RIT2: variants seen among roughly 807,000 people sequenced by gnomAD.
The protein encoded by RIT2 is GTP-binding protein Rit2.
In RIT2, 24 loss-of-function variants were observed where a neutral mutation model predicts 23.7. The observed-to-expected ratio is 1.01, with a 90% CI of 0.73 to 1.43. The LOEUF (loss-of-function observed/expected upper bound fraction) is 1.43, where lower values mean the gene tolerates loss of function less well. RIT2 is among the 40% of genes most tolerant of loss of function. RIT2 has a pLI of 0.00. For synonymous variants in RIT2, 107 were observed against 91.1 expected (o/e 1.17, Z -0.99); for missense variants, 236 against 266.9 (o/e 0.88, Z 0.81).
intron 4 of RIT2, among the ~76,000 whole-genome samples, chr18:42,762,977 A>C (rs1246678910): frequency 1.3e-5 from 2 of 152,206 alleles, no homozygotes; most frequent in African/African-American, 4.8e-5. Flanking sequence ...TCATTGTGCA[A>C]ACATCATAGA....
chr18:42,910,252 T>A (rs1908732809), intron 4 of RIT2, among the ~76,000 whole-genome samples: 1 of 152,048 alleles, frequency 6.6e-6, no homozygotes, highest in East Asian at 1.9e-4. Flanking sequence ...CCCTAATCTA[T>A]CAGTAATTAT....
intron 4 of RIT2, among the ~76,000 whole-genome samples, chr18:42,750,832 C>T (rs1224124161): frequency 1.0e-5 from 1 of 99,616 alleles, no homozygotes; most frequent in Admixed American, 9.2e-5. Flanking sequence ...ATATTCAAAC[C>T]CTGAAAACTT....
intron 4 of RIT2, among the ~76,000 whole-genome samples, chr18:42,913,228 A>C (rs1238426122): frequency 6.6e-6 from 1 of 151,800 alleles, no homozygotes; most frequent in Non-Finnish European, 1.5e-5. Context: ...TACAAAAAAA[A>C]ATGTTCAGAA....
intron 4 of RIT2, among the ~76,000 whole-genome samples, chr18:42,779,900 TTA>T (rs1913765908): frequency 6.6e-6 from 1 of 152,092 alleles, no homozygotes; most frequent in Non-Finnish European, 1.5e-5. Context: ...CTTGGATTTT[TTA>T]TACATGAAAT....
At chr18:42,924,594 T>C (rs181915909) in intron 3 of RIT2, among the ~76,000 whole-genome samples, 1 of 152,150 alleles carries the variant, frequency 6.6e-6, no homozygotes, top group African/African-American at 2.4e-5. Context: ...ATAGAAGCAA[T>C]GAAAAATATG....
intron 4 of RIT2, among the ~76,000 whole-genome samples, chr18:42,903,932 A>G (rs1328918488): frequency 6.6e-6 from 1 of 152,168 alleles, no homozygotes; most frequent in African/African-American, 2.4e-5. Context: ...TTAATTATAA[A>G]ACGCATGTGG....
intron 3 of RIT2, among the ~76,000 whole-genome samples, chr18:42,934,033 A>G: frequency 2.5e-5 from 1 of 40,650 alleles, no homozygotes; most frequent in South Asian, 9.0e-4. Flanking sequence ...GAAAAAAAAA[A>G]AAAAAGAAAA....
intron 4 of RIT2, among the ~76,000 whole-genome samples, chr18:42,836,323 G>A (rs556337677): frequency 6.6e-5 from 10 of 152,102 alleles, no homozygotes; most frequent in African/African-American, 2.2e-4. Context: ...TATCATCAGC[G>A]GCTGAGCTAG....
intron 2 of RIT2, among the ~76,000 whole-genome samples, chr18:43,013,710 A>T (rs1911405921): frequency 6.6e-6 from 1 of 151,732 alleles, no homozygotes; most frequent in Non-Finnish European, 1.5e-5. Context: ...TATCTGTATG[A>T]TGCATTAACT....
At position 43,077,081 on chromosome 18, in the gene RIT2, C is replaced by A. The variant is rs989789891; in HGVS notation, c.103+38336G>T. ...TCCCGCCACTGCACTCCAGCCTGGG[C>A]GACAGAGCGAGACTCCGTCTCAAAA... On this transcript the variant is annotated intron_variant, in intron 1 of 4. Transcript: ENST00000326695. Among the ~76,000 whole-genome samples, 21 of 118,264 alleles carry A rather than the reference C, an allele frequency of 1.8e-4. No individual in the cohort carries two copies. In the Middle Eastern group the frequency reaches 0.023, roughly 130 times the overall value. The allele number at this position is 118,264 out of a possible 152,430, so 77.6% of individuals were successfully genotyped here.
At chr18:43,040,690 G>T (rs1188159141) in intron 1 of RIT2, among the ~76,000 whole-genome samples, 6 of 152,112 alleles carry the variant, frequency 3.9e-5, no homozygotes, top group Admixed American at 3.9e-4. Flanking sequence ...ATGAGATGGG[G>T]GTGCATGTTA....
chr18:42,758,487 C>CT (rs5824453), intron 4 of RIT2, among the ~76,000 whole-genome samples: 43,655 of 146,862 alleles, frequency 0.3, 8,199 homozygotes, highest in African/African-American at 0.53. Flanking sequence ...CATTCTAATC[C>CT]TTTTTTTTTT....
chr18:42,931,707 G>C (rs1335265001), intron 3 of RIT2, among the ~76,000 whole-genome samples: 1 of 152,040 alleles, frequency 6.6e-6, no homozygotes, highest in African/African-American at 2.4e-5. Context: ...TTTTCCTGCC[G>C]ATAAAACCTA....
At chr18:43,012,158 T>C (rs1010868864) in intron 2 of RIT2, among the ~76,000 whole-genome samples, 1 of 151,828 alleles carries the variant, frequency 6.6e-6, no homozygotes, top group African/African-American at 2.4e-5. Flanking sequence ...CTCATTTCTC[T>C]TTTTCAGATG....
intron 3 of RIT2, among the ~76,000 whole-genome samples, chr18:42,955,967 G>A (rs1909961851): frequency 6.6e-6 from 1 of 152,012 alleles, no homozygotes; most frequent in Non-Finnish European, 1.5e-5. Flanking sequence ...GCAGTCTTTT[G>A]CATCTGTCTT....
At chr18:42,889,172 A>G (rs138925968) in intron 4 of RIT2, among the ~76,000 whole-genome samples, 4,942 of 152,202 alleles carry the variant, frequency 0.032, 112 homozygotes, top group Non-Finnish European at 0.046. Flanking sequence ...ATAAGTTAAC[A>G]TATACTGTTT....
At chr18:42,906,428 T>C (rs1908623446) in intron 4 of RIT2, among the ~76,000 whole-genome samples, 1 of 152,174 alleles carries the variant, frequency 6.6e-6, no homozygotes, top group African/African-American at 2.4e-5. Context: ...GTGGTTTTCT[T>C]TATAAGAGAT....
chr18:43,032,644 AC>A, intron 2 of RIT2, among the ~76,000 whole-genome samples: 1 of 151,978 alleles, frequency 6.6e-6, no homozygotes, highest in East Asian at 1.9e-4. Flanking sequence ...TTAGAAACAA[AC>A]CTCAACTTGT....
intron 1 of RIT2, among the ~76,000 whole-genome samples, chr18:43,110,789 T>C (rs1054957066): frequency 6.6e-6 from 1 of 152,152 alleles, no homozygotes; most frequent in African/African-American, 2.4e-5. Context: ...TGTATGTGTG[T>C]ATATATATGT....
Sources: gnomAD v4.1 joint callset for allele counts (sites outside exome capture counted in the v4.1 genomes callset) on GRCh38, gnomAD v4.1.1 for gene constraint, MANE v1.5 for transcripts, NCBI Gene and HGNC (gene_info 2026-07-23, HGNC 2026-07-21) for gene names.